Variants in MYO1H observed in about 807,000 individuals in gnomAD.
MYO1H encodes the protein unconventional myosin-Ih.
Under a neutral mutation model 149.3 loss-of-function variants are expected in MYO1H, and 118 were observed. The observed-to-expected ratio is 0.79, with a 90% CI of 0.68 to 0.92. The LOEUF is 0.92. Ranked by LOEUF, MYO1H falls within the 40% of genes least tolerant of loss-of-function variation. MYO1H has a pLI of 0.00. For synonymous variants in MYO1H, 447 were observed against 465.2 expected, an observed-to-expected ratio of 0.96 and a Z score of 0.50; for missense variants, 1,212 against 1,280.7, an observed-to-expected ratio of 0.95 and a Z score of 0.82.
chr12:109,350,068 A>G (rs934287592), intron 1 of MYO1H, among the ~76,000 whole-genome samples: 4 of 152,036 alleles, frequency 2.6e-5, no homozygotes, highest in Non-Finnish European at 5.9e-5. Context: ...TTTGATGAAC[A>G]AAGCAAAATG....
chr12:109,410,196 C>T, intron 12 of MYO1H, 128 bp downstream of exon 12: 4 of 475,150 alleles, frequency 8.4e-6, no homozygotes, highest in Non-Finnish European at 7.2e-6. Context: ...GGCTGGAGTC[C>T]AGTGGCACAA....
chr12:109,383,148 C>T (rs1869239790), intron 1 of MYO1H, among the ~76,000 whole-genome samples: 1 of 152,140 alleles, frequency 6.6e-6, no homozygotes, highest in African/African-American at 2.4e-5. Flanking sequence ...TCAGAAAGGT[C>T]TGCTTTCCTC....
chr12:109,313,312 A>G, the MYO1H span, among the ~76,000 whole-genome samples: 1 of 152,170 alleles, frequency 6.6e-6, no homozygotes, highest in Non-Finnish European at 1.5e-5. Context: ...CCCCCTCTCC[A>G]AGGTGCATGC....
At chr12:109,428,356 C>T (rs780727501) in intron 19 of MYO1H, among the ~76,000 whole-genome samples, 3 of 152,136 alleles carry the variant, frequency 2.0e-5, no homozygotes, top group Non-Finnish European at 4.4e-5. Flanking sequence ...GTTTTCAAAC[C>T]ACATGAACTT....
chr12:109,409,760 T>C, intron 11 of MYO1H, 136 bp downstream of exon 11: 1 of 812,016 alleles, frequency 1.2e-6, no homozygotes, highest in African/African-American at 1.7e-5. Context: ...AGTTTCTAAC[T>C]CACAGACCAT....
chr12:109,340,306 G>A, the MYO1H span, among the ~76,000 whole-genome samples: 5 of 152,028 alleles, frequency 3.3e-5, no homozygotes, highest in East Asian at 1.9e-4. Context: ...TCAGCCTCCC[G>A]AGTAGCTGGG....
chr12:109,369,091 A>C (rs1196086873), intron 1 of MYO1H, among the ~76,000 whole-genome samples: 3 of 151,872 alleles, frequency 2.0e-5, no homozygotes. Flanking sequence ...GGGTTCAAGC[A>C]ATTCTCCTGC....
chr12:109,386,182 T>C (rs1054228068), intron 1 of MYO1H, among the ~76,000 whole-genome samples: 1 of 152,228 alleles, frequency 6.6e-6, no homozygotes, highest in Non-Finnish European at 1.5e-5. Flanking sequence ...TGCTCTTGCG[T>C]GTACCCGTTA....
intron 1 of MYO1H, among the ~76,000 whole-genome samples, chr12:109,349,989 T>C (rs566546649): frequency 5.5e-4 from 82 of 148,948 alleles, no homozygotes; most frequent in Non-Finnish European, 1.0e-3. Context: ...ATATTATTAT[T>C]ATATTATTTT....
In MYO1H at chr12:109,396,830, T is replaced by G. The variant is rs183936117; in HGVS notation, c.489+248T>G. ...TTTGGTTTCGTTTTTTTTTTTTTTT[T>G]TTTTTTTTTTTTTTGAGACGGAGTC... On this transcript the variant is annotated intron_variant, in intron 4 of 31. Coordinates refer to ENST00000310903, the Ensembl canonical transcript of MYO1H. Among the ~76,000 whole-genome samples, 353 of 131,054 alleles carry G rather than the reference T, an allele frequency of 2.7e-3. 11 individuals are homozygous for G. Among genetic ancestry groups the G allele is most frequent in the African/African-American group, 9.1e-3 (324 of 35,572 alleles). 86.0% of individuals were successfully genotyped at this position (131,054 alleles called of 152,430 possible).
chr12:109,414,640 T>C (rs4265643), intron 14 of MYO1H, among the ~76,000 whole-genome samples: 10,194 of 152,232 alleles, frequency 0.067, 379 homozygotes, highest in South Asian at 0.11. Flanking sequence ...ATTATGCAAA[T>C]ACATGTGTTT....
exon 30 of MYO1H, chr12:109,444,433 G>C (rs2135613416): frequency 6.2e-7 from 1 of 1,613,584 alleles, no homozygotes; most frequent in African/African-American, 1.3e-5. Flanking sequence ...CCACCCCAGG[G>C]GGATGCCGTT....
intron 8 of MYO1H, among the ~76,000 whole-genome samples, 158 bp downstream of exon 8, chr12:109,406,193 G>A (rs1870376588): frequency 6.6e-6 from 1 of 152,104 alleles, no homozygotes; most frequent in Non-Finnish European, 1.5e-5. Flanking sequence ...GAAGGAGAGG[G>A]CAGGAGTAAA....
chr12:109,346,814 A>G (rs1170191701), upstream of MYO1H, among the ~76,000 whole-genome samples: 1 of 152,144 alleles, frequency 6.6e-6, no homozygotes, highest in Non-Finnish European at 1.5e-5. Context: ...ATAAAATTAT[A>G]TATTTTTAAA....
the MYO1H span, among the ~76,000 whole-genome samples, chr12:109,340,335 A>AT: frequency 6.6e-6 from 1 of 151,790 alleles, no homozygotes; most frequent in East Asian, 1.9e-4. Context: ...CGCCCGGCTA[A>AT]TTTTTGTATT....
intron 3 of MYO1H, among the ~76,000 whole-genome samples, chr12:109,395,466 T>C (rs1322013626): frequency 6.6e-6 from 1 of 152,238 alleles, no homozygotes; most frequent in Non-Finnish European, 1.5e-5. Flanking sequence ...CCAGGCGCGG[T>C]GGCTCACACC....
upstream of MYO1H, among the ~76,000 whole-genome samples, chr12:109,343,659 G>A (rs968248385): frequency 5.3e-5 from 8 of 152,122 alleles, no homozygotes; most frequent in African/African-American, 1.9e-4. Context: ...CAAAAGCAAG[G>A]ACTAAGTGTG....
the MYO1H span, among the ~76,000 whole-genome samples, chr12:109,326,483 T>G: frequency 7.4e-6 from 1 of 134,284 alleles, no homozygotes; most frequent in African/African-American, 2.8e-5. Flanking sequence ...CTACCTTTTT[T>G]TTATATTTTA....
At chr12:109,394,658 G>A (rs1163417025) in intron 3 of MYO1H, among the ~76,000 whole-genome samples, 1 of 150,176 alleles carries the variant, frequency 6.7e-6, no homozygotes, top group African/African-American at 2.4e-5. Flanking sequence ...GAATTTTCTA[G>A]TTTTTCTCCC....
Sources: allele counts gnomAD v4.1 joint callset (sites outside exome capture counted in the v4.1 genomes callset), GRCh38; gene constraint gnomAD v4.1.1; transcripts MANE v1.5; gene names NCBI Gene and HGNC (gene_info 2026-07-23, HGNC 2026-07-21).